ECE1: variants seen among roughly 807,000 people sequenced by gnomAD.
The protein encoded by ECE1 is endothelin converting enzyme 1.
In ECE1, 35 loss-of-function variants were observed where a neutral mutation model predicts 98.6. The ratio of observed to expected loss-of-function variants is 0.35; its 90% confidence interval spans 0.27 to 0.47. ECE1 has a LOEUF of 0.47. ECE1 is among the 20% of genes least tolerant of loss of function. The probability of loss-of-function intolerance (pLI) is 1.00; values close to 1 mark genes in which losing one functional copy is unlikely to be tolerated. For missense variants in ECE1, 814 were observed against 1,025.3 expected, an observed-to-expected ratio of 0.79 and a Z score of 2.81; for synonymous variants, 394 against 407.1, an observed-to-expected ratio of 0.97 and a Z score of 0.39.
chr1:21,305,366 G>GA (rs754503791), intron 1 of ECE1, among the ~76,000 whole-genome samples: 8 of 152,226 alleles, frequency 5.3e-5, no homozygotes, highest in Non-Finnish European at 1.2e-4. Flanking sequence ...CGAGTTGAAT[G>GA]AATGAATGAA....
chr1:21,221,581 G>A (rs1338202631), intron 18 of ECE1, among the ~76,000 whole-genome samples, 166 bp downstream of exon 18: 1 of 152,094 alleles, frequency 6.6e-6, no homozygotes, highest in Admixed American at 6.6e-5. Context: ...TGGTACTTTG[G>A]GCCCTTCCGT....
At chr1:21,244,860 C>CA in intron 10 of ECE1, 129 bp downstream of exon 10, 2 of 838,306 alleles carry the variant, frequency 2.4e-6, no homozygotes, top group South Asian at 2.8e-5. Flanking sequence ...CTTTACTTGG[C>CA]ATAAGCACTC....
At chr1:21,330,909 C>T (rs35187332) in intron 1 of ECE1, among the ~76,000 whole-genome samples, 10,898 of 152,242 alleles carry the variant, frequency 0.072, 533 homozygotes, top group Middle Eastern at 0.11. Context: ...GAAGGTGAGG[C>T]ACTCAGAGTC....
intron 13 of ECE1, among the ~76,000 whole-genome samples, chr1:21,234,310 G>C (rs2098185420): frequency 6.6e-6 from 1 of 151,494 alleles, no homozygotes; most frequent in African/African-American, 2.4e-5. Context: ...TTCAAATGTG[G>C]CAAGTGTGGC....
chr1:21,288,643 T>C (rs2098263146), intron 2 of ECE1, among the ~76,000 whole-genome samples: 3 of 152,348 alleles, frequency 2.0e-5, no homozygotes, highest in Admixed American at 2.0e-4. Flanking sequence ...GACCCTTCTG[T>C]GGAAGATGAG....
At chr1:21,276,020 T>C (rs939592118) in intron 3 of ECE1, among the ~76,000 whole-genome samples, 1 of 149,506 alleles carries the variant, frequency 6.7e-6, no homozygotes, top group African/African-American at 2.5e-5. Flanking sequence ...AGCTGTTTAA[T>C]ACGTGCTTTT....
Position 21,290,440 on chromosome 1 carries a change from C to T in ECE1, c.-26G>A. 1 of 1,229,418 alleles carries T rather than the reference C, an allele frequency of 8.1e-7. No individual in the cohort carries two copies. Among genetic ancestry groups the T allele is most frequent in the African/African-American group, 1.6e-5 (1 of 64,266 alleles). 76.2% of individuals were successfully genotyped at this position (1,229,418 alleles called of 1,614,324 possible). On this transcript the variant is annotated 5_prime_UTR_variant, in exon 1 of 19. Coordinates refer to ENST00000374893, the MANE Select transcript of ECE1 (RefSeq NM_001397.3). This position sits in a 1 kb window ranked among gnomAD's most constrained non-coding sequence, Gnocchi z 7.3. ...GCTGTGCCCCAGACGCCTGGTCCCGCTGCCCGGGTGGCCGGGATGGGATGG... is the reference window on the plus strand; with the variant it reads ...GCTGTGCCCCAGACGCCTGGTCCCGTTGCCCGGGTGGCCGGGATGGGATGG...
intron 1 of ECE1, among the ~76,000 whole-genome samples, chr1:21,301,463 C>A (rs1297442542): frequency 3.3e-5 from 5 of 151,984 alleles, no homozygotes; most frequent in Non-Finnish European, 7.4e-5. Context: ...CCACTGCACT[C>A]CAGCCTGGGC....
intron 14 of ECE1, among the ~76,000 whole-genome samples, chr1:21,231,971 G>A (rs550309121): frequency 2.0e-5 from 3 of 152,290 alleles, no homozygotes; most frequent in South Asian, 4.1e-4. Flanking sequence ...TACTTCAATG[G>A]GTAGGCAAGG....
In ECE1 at chr1:21,219,769, C is replaced by A; in HGVS notation, c.*186G>T. 3 of 717,622 alleles carry A rather than the reference C, an allele frequency of 4.2e-6. No homozygotes were observed. The highest frequency in any genetic ancestry group is 5.5e-5 in the East Asian group (2 of 36,416). 44.5% of individuals were successfully genotyped at this position (717,622 alleles called of 1,614,324 possible). On this transcript the variant is annotated 3_prime_UTR_variant, in exon 19 of 19. Coordinates refer to ENST00000374893, the MANE Select transcript of ECE1 (RefSeq NM_001397.3). This position sits in a 1 kb window ranked among gnomAD's most constrained non-coding sequence, Gnocchi z 4.5. ...TGTGCCTGGGATGTCCGGCTCTTCA[C>A]AGGGGATCAGACTGCGGGTCACGTT...
At chr1:21,221,980 G>T in intron 17 of ECE1, 138 bp from the exon 18 acceptor site, 1 of 785,188 alleles carries the variant, frequency 1.3e-6, no homozygotes, top group Non-Finnish European at 2.3e-6. Context: ...GCTCAGCCTA[G>T]GGGAGCCCTC....
intron 7 of ECE1, among the ~76,000 whole-genome samples, chr1:21,257,181 T>C (rs2098220932): frequency 6.6e-6 from 1 of 152,206 alleles, no homozygotes. Flanking sequence ...AATTCCTGTT[T>C]GACAGATGAG....
Position 21,258,861 on chromosome 1 carries a change from A to G in ECE1, c.616-22T>C, listed in dbSNP as rs2098223288. 1 of 1,613,880 alleles carries G rather than the reference A, an allele frequency of 6.2e-7. No homozygotes were observed. Among genetic ancestry groups the G allele is most frequent in the Non-Finnish European group, 8.5e-7 (1 of 1,179,920 alleles). ...CGAGCTGTGGGGAGGGAGAGCAGGC[A>G]GGGAGGTGATGAGGTGGCGGGGAGA... On this transcript the variant is annotated intron_variant, in intron 5 of 18. Coordinates refer to ENST00000374893, the MANE Select transcript of ECE1 (RefSeq NM_001397.3). This position sits in a 1 kb window ranked among gnomAD's most constrained non-coding sequence, Gnocchi z 4.2.
Position 21,227,132 on chromosome 1 carries a change from G to A in ECE1, c.1849+27C>T, listed in dbSNP as rs1180282504. The stretch of plus-strand genomic sequence containing the variant: ...TAAAGCACGGAGATTACAGGCATGA[G>A]CCATCGTGCCCAGCTGGAATTCGTA... On this transcript the variant is annotated intron_variant, in intron 16 of 18. Coordinates refer to ENST00000374893, the MANE Select transcript of ECE1 (RefSeq NM_001397.3). 3 of 1,610,754 alleles carry A rather than the reference G, an allele frequency of 1.9e-6. 1 individual carries two copies. The Admixed American group carries it at 5.0e-5, about 27-fold the overall frequency.
upstream of ECE1, among the ~76,000 whole-genome samples, chr1:21,294,608 T>C (rs1015825256): frequency 1.3e-5 from 2 of 152,210 alleles, no homozygotes; most frequent in African/African-American, 2.4e-5. This position sits in a 1 kb window ranked among gnomAD's most constrained non-coding sequence, Gnocchi z 4.2. Flanking sequence ...ATCAAAGGCC[T>C]GTGGTGAGCA....
intron 2 of ECE1, among the ~76,000 whole-genome samples, chr1:21,280,693 T>C (rs2098253414): frequency 6.6e-6 from 1 of 151,874 alleles, no homozygotes; most frequent in Non-Finnish European, 1.5e-5. Context: ...GCCTGAGGGG[T>C]GCCCCTGGTG....
At chr1:21,341,176 C>T (rs1444915671) in intron 1 of ECE1, among the ~76,000 whole-genome samples, 1 of 152,200 alleles carries the variant, frequency 6.6e-6, no homozygotes, top group Non-Finnish European at 1.5e-5. Flanking sequence ...TCCCTGACAA[C>T]AGTAATTGCG....
intron 11 of ECE1, 86 bp downstream of exon 11, chr1:21,238,048 G>T: frequency 8.0e-7 from 1 of 1,256,908 alleles, no homozygotes; most frequent in South Asian, 1.2e-5. Context: ...GAAAGGCCCA[G>T]GGTGGGCTGG....
At chr1:21,332,008 C>T (rs1221384001) in intron 1 of ECE1, among the ~76,000 whole-genome samples, 1 of 152,168 alleles carries the variant, frequency 6.6e-6, no homozygotes, top group African/African-American at 2.4e-5. Context: ...GCTGGTCATT[C>T]TCTGATAGTA....
Sources: gnomAD v4.1 joint callset for allele counts (sites outside exome capture counted in the v4.1 genomes callset) on GRCh38, gnomAD v4.1.1 for gene constraint, Gnocchi (gnomAD v3.1) non-coding constraint, MANE v1.5 for transcripts, NCBI Gene and HGNC (gene_info 2026-07-23, HGNC 2026-07-21) for gene names.